The following LGSN variants were observed in gnomAD, a reference collection of about 807,000 sequenced individuals.
LGSN encodes lengsin, lens protein with glutamine synthetase domain.
Under a neutral mutation model 19.5 loss-of-function variants are expected in LGSN, and 21 were observed. That is an observed-to-expected ratio of 1.07 (90% CI 0.76 to 1.55). LGSN has a LOEUF of 1.55. Among genes scored for constraint, LGSN ranks in the 40% most tolerant of loss-of-function variants. The probability of loss-of-function intolerance (pLI) is 0.00; values close to 1 mark genes in which losing one functional copy is unlikely to be tolerated. For missense variants in LGSN, 673 were observed against 608.5 expected, an observed-to-expected ratio of 1.11 and a Z score of -1.12; for synonymous variants, 257 against 215.6, an observed-to-expected ratio of 1.19 and a Z score of -1.68.
the LGSN span, among the ~76,000 whole-genome samples, chr6:63,404,775 T>G: frequency 6.6e-6 from 1 of 152,126 alleles, no homozygotes; most frequent in East Asian, 1.9e-4. Flanking sequence ...TTGCAATGAT[T>G]AATATACTAA....
the LGSN span, among the ~76,000 whole-genome samples, chr6:63,462,700 G>A: frequency 1.3e-5 from 2 of 152,136 alleles, no homozygotes; most frequent in Non-Finnish European, 2.9e-5. Context: ...TAACAACCAA[G>A]GAGTGTTTCC....
the LGSN span, among the ~76,000 whole-genome samples, chr6:63,327,297 G>A: frequency 4.6e-5 from 7 of 152,326 alleles, no homozygotes. Flanking sequence ...TAAAAATACA[G>A]GCCCCAAAGG....
chr6:63,517,290 A>G, the LGSN span, among the ~76,000 whole-genome samples: 2 of 152,196 alleles, frequency 1.3e-5, no homozygotes, highest in Non-Finnish European at 2.9e-5. Flanking sequence ...CCTGAGAAGC[A>G]ATTTTTGATG....
At chr6:63,451,762 A>T in the LGSN span, among the ~76,000 whole-genome samples, 11 of 151,566 alleles carry the variant, frequency 7.3e-5, no homozygotes, top group South Asian at 1.0e-3. Context: ...AAAATTAATT[A>T]AAAAAAAAGA....
At chr6:63,346,589 T>C in the LGSN span, among the ~76,000 whole-genome samples, 3 of 152,208 alleles carry the variant, frequency 2.0e-5, no homozygotes, top group Non-Finnish European at 4.4e-5. Context: ...GCCACTCTAG[T>C]AAATGATTAA....
the LGSN span, among the ~76,000 whole-genome samples, chr6:63,366,896 G>A: frequency 6.6e-6 from 1 of 150,584 alleles, no homozygotes; most frequent in African/African-American, 2.5e-5. Context: ...TATGTAGAAA[G>A]CTGAAACTGG....
rs529865947 is a variant in LGSN, at chr6:63,288,463, G to GA, written c.164-2711dup. ...ATAAATTCACACAGTGAAAGGGCTGGAAAAAAAAAAAACCATAATCACCTG... is the reference window on the plus strand; with the variant it reads ...ATAAATTCACACAGTGAAAGGGCTGGAAAAAAAAAAAAACCATAATCACCTG... On this transcript the variant is annotated intron_variant, in intron 2 of 3. Coordinates refer to ENST00000370657, the MANE Select transcript of LGSN (RefSeq NM_016571.3). Among the ~76,000 whole-genome samples, 638 of 139,834 alleles carry GA rather than the reference G, an allele frequency of 4.6e-3. 4 individuals carry two copies. Among genetic ancestry groups the GA allele is most frequent in the South Asian group, 0.025 (112 of 4,452 alleles). 91.7% of individuals were successfully genotyped at this position (139,834 alleles called of 152,430 possible).
At chr6:63,340,890 C>A in the LGSN span, among the ~76,000 whole-genome samples, 1 of 150,832 alleles carries the variant, frequency 6.6e-6, no homozygotes, top group Non-Finnish European at 1.5e-5. Flanking sequence ...ATCTGCACAC[C>A]TGATATAACA....
chr6:63,520,704 T>C, the LGSN span, among the ~76,000 whole-genome samples: 1 of 151,930 alleles, frequency 6.6e-6, no homozygotes, highest in Non-Finnish European at 1.5e-5. Flanking sequence ...AAAAAGACTT[T>C]GGCACAATTG....
chr6:63,514,521 C>T, the LGSN span, among the ~76,000 whole-genome samples: 1 of 152,236 alleles, frequency 6.6e-6, no homozygotes, highest in Non-Finnish European at 1.5e-5. Flanking sequence ...GCCACCGCAC[C>T]CAGCCCTCTT....
At chr6:63,459,836 C>A in the LGSN span, among the ~76,000 whole-genome samples, 1 of 152,066 alleles carries the variant, frequency 6.6e-6, no homozygotes, top group Non-Finnish European at 1.5e-5. Flanking sequence ...ATCGCTTGAA[C>A]CCAGGAGGTG....
At chr6:63,295,315 A>T (rs1302857132) in intron 1 of LGSN, among the ~76,000 whole-genome samples, 1 of 152,172 alleles carries the variant, frequency 6.6e-6, no homozygotes, top group Non-Finnish European at 1.5e-5. Flanking sequence ...TAATTACTCA[A>T]GATTTCTATG....
chr6:63,443,790 G>A, the LGSN span, among the ~76,000 whole-genome samples: 17 of 152,202 alleles, frequency 1.1e-4, no homozygotes, highest in Admixed American at 7.2e-4. Context: ...GGAGGTGGTG[G>A]GGGACAGTTA....
At chr6:63,374,574 AATGATCCTCCC>A in the LGSN span, among the ~76,000 whole-genome samples, 1 of 152,224 alleles carries the variant, frequency 6.6e-6, no homozygotes, top group African/African-American at 2.4e-5. Context: ...AGATTTGAAC[AATGATCCTCCC>A]ATTTAGTATC....
the LGSN span, among the ~76,000 whole-genome samples, chr6:63,398,964 AT>A: frequency 6.6e-6 from 1 of 152,132 alleles, no homozygotes; most frequent in African/African-American, 2.4e-5. Context: ...GCCATGACAC[AT>A]GGCTAGTTTT....
chr6:63,296,108 A>C (rs1346395886), intron 1 of LGSN, among the ~76,000 whole-genome samples: 6 of 152,186 alleles, frequency 3.9e-5, no homozygotes, highest in African/African-American at 1.2e-4. Context: ...CAAGGCTAAA[A>C]TAGAAAAAGA....
At chr6:63,442,179 G>A in the LGSN span, among the ~76,000 whole-genome samples, 1 of 152,126 alleles carries the variant, frequency 6.6e-6, no homozygotes, top group Admixed American at 6.6e-5. Flanking sequence ...CCCTCCCAAT[G>A]CGTTTGTTCG....
chr6:63,502,991 T>C, the LGSN span, among the ~76,000 whole-genome samples: 3 of 152,228 alleles, frequency 2.0e-5, no homozygotes, highest in Non-Finnish European at 4.4e-5. Context: ...TAAATACCTA[T>C]CACCTAATTT....
the LGSN span, among the ~76,000 whole-genome samples, chr6:63,358,901 G>A: frequency 7.9e-5 from 12 of 152,216 alleles, no homozygotes; most frequent in Middle Eastern, 3.4e-3. Flanking sequence ...GGACATTCCC[G>A]TCTTGTGCCA....
Sources: gnomAD v4.1 joint callset for allele counts (sites outside exome capture counted in the v4.1 genomes callset) on GRCh38, gnomAD v4.1.1 for gene constraint, MANE v1.5 for transcripts, NCBI Gene and HGNC (gene_info 2026-07-23, HGNC 2026-07-21) for gene names.